KSR2: variants seen among roughly 807,000 people sequenced by gnomAD.
KSR2 encodes kinase suppressor of ras 2.
Under a neutral mutation model 107.8 loss-of-function variants are expected in KSR2, and 25 were observed. The observed-to-expected ratio is 0.23, with a 90% CI of 0.17 to 0.32. The LOEUF (loss-of-function observed/expected upper bound fraction) is 0.32. Ranked by LOEUF, KSR2 falls within the 10% of genes least tolerant of loss-of-function variation. The pLI is 1.00. For missense variants in KSR2, 887 were observed against 1,268.9 expected (o/e 0.70, Z 4.57); for synonymous variants, 480 against 507.0 (o/e 0.95, Z 0.71).
intron 5 of KSR2, among the ~76,000 whole-genome samples, chr12:117,604,496 CA>C (rs1257558397): frequency 6.6e-6 from 1 of 152,190 alleles, no homozygotes; most frequent in African/African-American, 2.4e-5. Context: ...CTGTTTTCCA[CA>C]CGGTTTGCTA....
At chr12:117,725,204 C>T (rs1887377757) in intron 4 of KSR2, among the ~76,000 whole-genome samples, 1 of 152,032 alleles carries the variant, frequency 6.6e-6, no homozygotes, top group South Asian at 2.1e-4. Flanking sequence ...TGTCTCCCAA[C>T]TGCACTCACC....
chr12:117,808,561 G>A lies in KSR2; in HGVS notation c.472+46867C>T, dbSNP rs78012085. On this transcript the variant is annotated intron_variant, in intron 3 of 19. Coordinates refer to ENST00000339824, the MANE Select transcript of KSR2 (RefSeq NM_173598.6). ...TGGAAAAGGTTTAGCCCAGGGCCTG[G>A]TCCGCAGCTGGGACCCAATCCCTGC... Among the ~76,000 whole-genome samples the A allele has an allele frequency of 5.9e-5, 9 of 152,246 alleles. No homozygotes were observed. In the East Asian group the frequency reaches 1.7e-3, roughly 29 times the overall value.
In KSR2 at chr12:117,555,216, C is replaced by T. The variant is rs1420622867; in HGVS notation, c.1471G>A (p.Asp491Asn). The T allele has an allele frequency of 1.2e-6, 2 of 1,613,842 alleles. No homozygotes were observed. The highest frequency in any genetic ancestry group is 1.3e-5 in the African/African-American group (1 of 74,924). ...GGGAGCGTCTGACTGATGTGCAGGT[C>T]TGAATAGCGAGGTGGCTTCCGTAGA... is the stretch of plus-strand genomic sequence containing the variant. The part of the protein sequence containing the change: ...NPLRKPPRYS[D>N]LHISQTLPKT... The change falls in exon 9 of 20, where the codon GAC becomes AAC. Residue 491 changes from aspartate to asparagine, a missense_variant. This residue lies in a region of KSR2 where 60 missense variants were observed against 77.5 expected (regional missense o/e 0.77). Coordinates refer to ENST00000339824, the MANE Select transcript of KSR2 (RefSeq NM_173598.6).
At chr12:117,692,036 C>T (rs1593135619) in intron 4 of KSR2, among the ~76,000 whole-genome samples, 2 of 152,220 alleles carry the variant, frequency 1.3e-5, no homozygotes, top group African/African-American at 4.8e-5. Context: ...CGGGGTGTCA[C>T]TCCTGTGCTA....
chr12:117,875,151 C>CA (rs1304075251), intron 1 of KSR2, among the ~76,000 whole-genome samples: 2 of 151,964 alleles, frequency 1.3e-5, no homozygotes, highest in African/African-American at 2.4e-5. Flanking sequence ...TAAACAACAA[C>CA]AACAAAAAAA....
At chr12:117,589,083 C>T (rs1420259591) in intron 5 of KSR2, among the ~76,000 whole-genome samples, 14 of 152,096 alleles carry the variant, frequency 9.2e-5, no homozygotes, top group African/African-American at 2.9e-4. Context: ...GAGTTGAACC[C>T]AGTTTCCTAT....
At chr12:117,862,991 A>G (rs1396731565) in intron 1 of KSR2, among the ~76,000 whole-genome samples, 1 of 151,994 alleles carries the variant, frequency 6.6e-6, no homozygotes, top group Non-Finnish European at 1.5e-5. Flanking sequence ...AGCCTCCCAA[A>G]GTGCTGGGAT....
chr12:117,666,501 T>C (rs943289837), intron 5 of KSR2, among the ~76,000 whole-genome samples: 2 of 152,160 alleles, frequency 1.3e-5, no homozygotes, highest in Non-Finnish European at 2.9e-5. Context: ...CTGTGTGACT[T>C]TGAGCAAGTT....
chr12:117,584,601 T>C (rs890099371), intron 5 of KSR2, among the ~76,000 whole-genome samples: 3 of 152,204 alleles, frequency 2.0e-5, no homozygotes, highest in Non-Finnish European at 2.9e-5. Context: ...AATAAGATTG[T>C]ACCAACAGGT....
chr12:117,646,626 G>A (rs1883657657), intron 5 of KSR2, among the ~76,000 whole-genome samples: 1 of 152,108 alleles, frequency 6.6e-6, no homozygotes, highest in African/African-American at 2.4e-5. Context: ...TAACCCCGGG[G>A]ATCCAGGACC....
At chr12:117,943,522 A>C (rs1449815914) in intron 1 of KSR2, among the ~76,000 whole-genome samples, 2 of 149,904 alleles carry the variant, frequency 1.3e-5, no homozygotes, top group African/African-American at 4.9e-5. Flanking sequence ...AAAAAAAAAA[A>C]AAAAACCTCA....
In KSR2 at chr12:117,653,822, G is replaced by A. The variant is rs575054892; in HGVS notation, c.1171+13652C>T. Among the ~76,000 whole-genome samples, 50 of 152,324 alleles carry A rather than the reference G, an allele frequency of 3.3e-4. 1 individual carries two copies. In the South Asian group the frequency reaches 9.3e-3, roughly 28 times the overall value. On this transcript the variant is annotated intron_variant, in intron 5 of 19. Transcript: ENST00000339824. Reference sequence around the variant, plus strand: ...CTCCAGTGCATTTATCAAGTGACCCGAAAGGCTGCCAGTTTTGAGTGGGGT... The same window carrying A: ...CTCCAGTGCATTTATCAAGTGACCCAAAAGGCTGCCAGTTTTGAGTGGGGT...
chr12:117,480,407 T>C (rs1483189253), intron 16 of KSR2, among the ~76,000 whole-genome samples: 2 of 152,158 alleles, frequency 1.3e-5, no homozygotes, highest in Non-Finnish European at 2.9e-5. Context: ...GGCCCACCGA[T>C]GACAAACCCA....
At chr12:117,830,256 G>T (rs549247273) in intron 3 of KSR2, among the ~76,000 whole-genome samples, 1 of 151,652 alleles carries the variant, frequency 6.6e-6, no homozygotes, top group East Asian at 1.9e-4. Flanking sequence ...GAAACAGAGT[G>T]AGATTCCATC....
intron 7 of KSR2, among the ~76,000 whole-genome samples, chr12:117,560,505 A>G (rs899571384): frequency 6.6e-6 from 1 of 152,096 alleles, no homozygotes; most frequent in Non-Finnish European, 1.5e-5. Flanking sequence ...TTTCAATCTG[A>G]TGGCACCAGA....
intron 3 of KSR2, among the ~76,000 whole-genome samples, chr12:117,830,273 AT>A (rs1254909352): frequency 1.3e-5 from 2 of 151,914 alleles, no homozygotes; most frequent in Non-Finnish European, 2.9e-5. Flanking sequence ...CATCTCAAAA[AT>A]AAAAAAAAAA....
intron 14 of KSR2, among the ~76,000 whole-genome samples, chr12:117,499,945 G>A (rs1425942071): frequency 6.6e-6 from 1 of 152,138 alleles, no homozygotes; most frequent in Non-Finnish European, 1.5e-5. Flanking sequence ...GCAGTCAGCC[G>A]GGGTGGAGTG....
intron 5 of KSR2, among the ~76,000 whole-genome samples, chr12:117,599,693 TG>T (rs1199241694): frequency 6.6e-6 from 1 of 151,974 alleles, no homozygotes; most frequent in Non-Finnish European, 1.5e-5. Flanking sequence ...CAAATGTCCC[TG>T]GGGGTGGAGA....
At chr12:117,868,145 C>T (rs77632486) in intron 1 of KSR2, among the ~76,000 whole-genome samples, 3,859 of 152,134 alleles carry the variant, frequency 0.025, 153 homozygotes, top group East Asian at 0.21. Flanking sequence ...AATAAAAATA[C>T]GGCCGGGCAC....
Sources: allele counts gnomAD v4.1 joint callset (sites outside exome capture counted in the v4.1 genomes callset), GRCh38; gene constraint gnomAD v4.1.1; regional missense constraint gnomAD v4.1.1; transcripts MANE v1.5; gene names NCBI Gene and HGNC (gene_info 2026-07-23, HGNC 2026-07-21).